The following SPTSSA variants were observed in gnomAD, a reference collection of about 807,000 sequenced individuals.
SPTSSA encodes the protein serine palmitoyltransferase small subunit A.
SPTSSA carries 8 observed loss-of-function variants against 9.1 expected under a neutral mutation model. That is an observed-to-expected ratio of 0.88 (90% CI 0.51 to 1.58). SPTSSA has a LOEUF of 1.58. Ranked by LOEUF, SPTSSA falls within the 40% of genes most tolerant of loss-of-function variation. The pLI, the probability that SPTSSA is intolerant of heterozygous loss-of-function variation, is 0.00. For synonymous variants in SPTSSA, 42 were observed against 37.7 expected (o/e 1.11, Z -0.41); for missense variants, 100 against 93.8 (o/e 1.07, Z -0.27).
rs113007155 is a variant in SPTSSA, at chr14:34,458,487, G to T, written c.112+3609C>A. Among the ~76,000 whole-genome samples, 888 of 148,788 alleles carry T rather than the reference G, an allele frequency of 6.0e-3. 15 individuals carry two copies. Among genetic ancestry groups the T allele is most frequent in the African/African-American group, 0.02 (810 of 40,318 alleles). On this transcript the variant is annotated intron_variant, in intron 1 of 1. Transcript: ENST00000298130. ...GTGTGAGCTACCGCGCCAGGCCTAA[G>T]ATCGACTTTCTTTTTATTTTTTTTT... is the stretch of plus-strand genomic sequence containing the variant.
At chr14:34,451,578 C>CCGGGCGCGGTGG (rs1883523510) in intron 1 of SPTSSA, among the ~76,000 whole-genome samples, 1 of 151,960 alleles carries the variant, frequency 6.6e-6, no homozygotes, top group Non-Finnish European at 1.5e-5. Context: ...AAAAAATTAG[C>CCGGGCGCGGTGG]CGGGCGCGGT....
intron 1 of SPTSSA, among the ~76,000 whole-genome samples, chr14:34,442,008 T>G (rs538497461): frequency 4.3e-4 from 66 of 152,112 alleles, no homozygotes; most frequent in Admixed American, 1.6e-3. Context: ...CCAGAGTAGG[T>G]GGGATTACAG....
chr14:34,452,758 T>C (rs1420266756), intron 1 of SPTSSA, among the ~76,000 whole-genome samples: 1 of 152,154 alleles, frequency 6.6e-6, no homozygotes, highest in African/African-American at 2.4e-5. Context: ...TGGGGAAAAA[T>C]TTCCCAGTCT....
At chr14:34,443,746 G>A (rs1167144279) in intron 1 of SPTSSA, among the ~76,000 whole-genome samples, 1 of 152,058 alleles carries the variant, frequency 6.6e-6, no homozygotes, top group Non-Finnish European at 1.5e-5. Flanking sequence ...ATGTTGGTCA[G>A]GCTAGTCTCC....
At chr14:34,457,413 G>C (rs1172785578) in intron 1 of SPTSSA, among the ~76,000 whole-genome samples, 1 of 152,098 alleles carries the variant, frequency 6.6e-6, no homozygotes, top group Non-Finnish European at 1.5e-5. Context: ...GTAGGGAAAG[G>C]ATACTTTTGA....
At chr14:34,461,870 C>T (rs1162512478) in intron 1 of SPTSSA, among the ~76,000 whole-genome samples, 1 of 152,108 alleles carries the variant, frequency 6.6e-6, no homozygotes, top group Non-Finnish European at 1.5e-5. Flanking sequence ...TCCAGCGACT[C>T]ACAGGTGACC....
chr14:34,460,326 CAGTT>C (rs1272792418), intron 1 of SPTSSA, among the ~76,000 whole-genome samples: 1 of 152,070 alleles, frequency 6.6e-6, no homozygotes, highest in South Asian at 2.1e-4. Context: ...TATTGGATGT[CAGTT>C]GGTTGCAGTT....
chr14:34,453,022 T>G (rs900218715), intron 1 of SPTSSA, among the ~76,000 whole-genome samples: 1 of 148,440 alleles, frequency 6.7e-6, no homozygotes, highest in Middle Eastern at 3.4e-3. Context: ...TCCTCCTCCT[T>G]ATGATTTTCT....
In SPTSSA at chr14:34,462,208, G is replaced by T. The variant is rs201619378; in HGVS notation, c.-1C>A. 2.0e-6 allele frequency: 3 copies of T among 1,526,590 alleles called. No individual in the cohort carries two copies. The highest frequency in any genetic ancestry group is 2.7e-6 in the Non-Finnish European group (3 of 1,131,866). The allele number at this position is 1,526,590 out of a possible 1,614,324, so 94.6% of individuals were successfully genotyped here. A position where few individuals can be genotyped will look rare whatever the true frequency, so the allele number is the denominator to read the frequency against. ...CCCGCGCCAGCGCCATCCCCGCCAT[G>T]CGCCTCCCGCGATGCAGCTCACACG... is the stretch of plus-strand genomic sequence containing the variant. On this transcript the variant is annotated 5_prime_UTR_variant, in exon 1 of 2. Coordinates refer to ENST00000298130, the MANE Select transcript of SPTSSA (RefSeq NM_138288.4).
At chr14:34,453,042 C>T (rs900913854) in intron 1 of SPTSSA, among the ~76,000 whole-genome samples, 4 of 152,148 alleles carry the variant, frequency 2.6e-5, no homozygotes, top group African/African-American at 9.7e-5. Context: ...TTCCCTCTAG[C>T]TTACGTTACT....
intron 1 of SPTSSA, among the ~76,000 whole-genome samples, chr14:34,458,328 C>T (rs1878532424): frequency 6.6e-6 from 1 of 151,088 alleles, no homozygotes; most frequent in Admixed American, 6.6e-5. Context: ...AAGTAGCTGG[C>T]GTACACTACT....
chr14:34,462,124 C>T lies in SPTSSA; in HGVS notation c.84G>A (p.Met28Ile). The T allele has an allele frequency of 6.6e-7, 1 of 1,526,474 alleles. No individual in the cohort carries two copies. The highest frequency in any genetic ancestry group is 8.8e-7 in the Non-Finnish European group (1 of 1,132,238). 94.6% of individuals were successfully genotyped at this position (1,526,474 alleles called of 1,614,324 possible). A position where few individuals can be genotyped will look rare whatever the true frequency, so the allele number is the denominator to read the frequency against. The change falls in exon 1 of 2, where the codon ATG (methionine) becomes ATA (isoleucine). Residue 28 changes from methionine to isoleucine, a missense_variant. Transcript: ENST00000298130. ...ACACCGTCCGCTCCCAGGGCTCCAG[C>T]ATGTAGAGCGCCGTGACCAGCAGGT... The part of the protein sequence containing the change: ...YQYLLVTALY[M>I]LEPWERTVFN...
At chr14:34,457,136 G>A (rs1326041892) in intron 1 of SPTSSA, among the ~76,000 whole-genome samples, 2 of 151,694 alleles carry the variant, frequency 1.3e-5, no homozygotes, top group African/African-American at 4.8e-5. Flanking sequence ...CAGCCACCAT[G>A]CCCCACTAAT....
chr14:34,451,595 C>T (rs7153479), intron 1 of SPTSSA, among the ~76,000 whole-genome samples: 3,582 of 151,656 alleles, frequency 0.024, 46 homozygotes, highest in Middle Eastern at 0.034. Context: ...CGGTGGCGGG[C>T]GCCTGTAGTC....
intron 1 of SPTSSA, among the ~76,000 whole-genome samples, chr14:34,445,311 T>A (rs1235081242): frequency 6.6e-6 from 1 of 152,098 alleles, no homozygotes; most frequent in Non-Finnish European, 1.5e-5. Flanking sequence ...GAGACCAGCC[T>A]GGCCAACATG....
intron 1 of SPTSSA, among the ~76,000 whole-genome samples, chr14:34,452,324 C>T (rs952720811): frequency 2.0e-5 from 3 of 151,074 alleles, no homozygotes; most frequent in African/African-American, 7.3e-5. Flanking sequence ...AGTTTTCTTA[C>T]ATTGAAACAA....
intron 1 of SPTSSA, 47 bp downstream of exon 1, chr14:34,462,049 C>G: frequency 8.0e-7 from 1 of 1,243,338 alleles, no homozygotes; most frequent in Non-Finnish European, 1.0e-6. Context: ...GGCCCCGCGG[C>G]CCGCGCCCCC....
chr14:34,451,575 T>C (rs144923374), intron 1 of SPTSSA, among the ~76,000 whole-genome samples: 5,599 of 151,896 alleles, frequency 0.037, 303 homozygotes, highest in African/African-American at 0.12. Flanking sequence ...TACAAAAAAT[T>C]AGCCGGGCGC....
At chr14:34,442,983 T>TGTGTGTGTGTGTGTGAGA (rs750212266) in intron 1 of SPTSSA, among the ~76,000 whole-genome samples, 2 of 148,338 alleles carry the variant, frequency 1.3e-5, no homozygotes, top group Admixed American at 6.7e-5. Flanking sequence ...TGTGTGTGTG[T>TGTGTGTGTGTGTGTGAGA]GAGATGGAGT....
Sources: gnomAD v4.1 joint callset for allele counts (sites outside exome capture counted in the v4.1 genomes callset) on GRCh38, gnomAD v4.1.1 for gene constraint, MANE v1.5 for transcripts, NCBI Gene and HGNC (gene_info 2026-07-23, HGNC 2026-07-21) for gene names.